Variants in MYO1D observed in about 807,000 individuals in gnomAD.
The protein encoded by MYO1D is myosin ID.
Under a neutral mutation model 122.0 loss-of-function variants are expected in MYO1D, and 83 were observed. The ratio of observed to expected loss-of-function variants is 0.68; its 90% confidence interval spans 0.57 to 0.82. The LOEUF is 0.82. MYO1D is among the 40% of genes least tolerant of loss of function. The probability of loss-of-function intolerance (pLI) is 0.00; values close to 1 mark genes in which losing one functional copy is unlikely to be tolerated. For synonymous variants in MYO1D, 464 were observed against 446.9 expected, an observed-to-expected ratio of 1.04 and a Z score of -0.48; for missense variants, 1,157 against 1,269.5, an observed-to-expected ratio of 0.91 and a Z score of 1.35.
intron 21 of MYO1D, among the ~76,000 whole-genome samples, chr17:32,575,023 T>C (rs768698092): frequency 1.8e-4 from 28 of 152,198 alleles, no homozygotes; most frequent in Non-Finnish European, 3.4e-4. Flanking sequence ...GTTACTGACA[T>C]AATCGTGGGA....
chr17:32,630,245 G>T, intron 20 of MYO1D, among the ~76,000 whole-genome samples: 1 of 152,104 alleles, frequency 6.6e-6, no homozygotes, highest in African/African-American at 2.4e-5. Flanking sequence ...TCTTTCTTTT[G>T]TAGAGACAGT....
At position 32,494,880 on chromosome 17, in the gene MYO1D, G is replaced by A; in HGVS notation, c.2900C>T (p.Pro967Leu). The change falls in exon 22 of 22, where the codon CCA becomes CTA. Residue 967 changes from proline to leucine, a missense_variant. Coordinates refer to ENST00000318217, the MANE Select transcript of MYO1D (RefSeq NM_015194.3). ...KRHLQVNVTN[P>L]VQCSLHGKKC... The stretch of plus-strand genomic sequence containing the variant: ...CTTCCCGTGCAGGCTGCACTGTACT[G>A]GGTTGGTGACGTTCACTTGAAGGTG... 6.2e-7 allele frequency: 1 copy of A among 1,609,516 alleles called. No homozygotes were observed. Among genetic ancestry groups the A allele is most frequent in the Non-Finnish European group, 8.5e-7 (1 of 1,177,098 alleles).
intron 2 of MYO1D, among the ~76,000 whole-genome samples, chr17:32,779,074 T>C (rs1188695464): frequency 1.3e-5 from 2 of 152,226 alleles, no homozygotes; most frequent in East Asian, 3.9e-4. Context: ...AGACACAAGG[T>C]ATCATAGAAA....
At chr17:32,843,312 T>C (rs1251962052) in intron 1 of MYO1D, among the ~76,000 whole-genome samples, 2 of 152,202 alleles carry the variant, frequency 1.3e-5, no homozygotes, top group Non-Finnish European at 2.9e-5. Flanking sequence ...CAGCCAAACA[T>C]GCAGACAACC....
intron 21 of MYO1D, chr17:32,594,593 C>T (rs1435840071): frequency 6.1e-6 from 4 of 652,324 alleles, no homozygotes; most frequent in Admixed American, 2.3e-5. Flanking sequence ...ATATTATTGG[C>T]CTTTTCAGAA....
chr17:32,525,107 T>C (rs1413685096), intron 21 of MYO1D, among the ~76,000 whole-genome samples: 8 of 152,238 alleles, frequency 5.3e-5, no homozygotes, highest in Admixed American at 4.6e-4. Context: ...CATACTTTTC[T>C]TACCATCTGT....
At chr17:32,656,206 T>C (rs1428006154) in intron 17 of MYO1D, among the ~76,000 whole-genome samples, 1 of 152,242 alleles carries the variant, frequency 6.6e-6, no homozygotes, top group Non-Finnish European at 1.5e-5. Flanking sequence ...CAAGGCCGGC[T>C]GTTCTCAAAC....
At position 32,539,836 on chromosome 17, in the gene MYO1D, T is replaced by C. The variant is rs112103415; in HGVS notation, c.2865-44921A>G. 8.9e-4 allele frequency among the ~76,000 whole-genome samples: 136 copies of C among 152,290 alleles called. 1 individual carries two copies. The highest frequency in any genetic ancestry group is 3.2e-3 in the African/African-American group (134 of 41,560). Reference sequence around the variant, plus strand: ...TCATCATTAGCCTGCCACACATGTATAAGCATTAGTTTGATTTTTAAAAAT... The same window carrying C: ...TCATCATTAGCCTGCCACACATGTACAAGCATTAGTTTGATTTTTAAAAAT... On this transcript the variant is annotated intron_variant, in intron 21 of 21. Coordinates refer to ENST00000318217, the MANE Select transcript of MYO1D (RefSeq NM_015194.3).
intron 14 of MYO1D, among the ~76,000 whole-genome samples, chr17:32,722,649 T>C (rs896882414): frequency 6.6e-6 from 1 of 152,232 alleles, no homozygotes; most frequent in African/African-American, 2.4e-5. Context: ...CTTATCTCCA[T>C]CTGCAACCTT....
intron 2 of MYO1D, among the ~76,000 whole-genome samples, chr17:32,780,164 G>C (rs2090220637): frequency 6.6e-6 from 1 of 151,974 alleles, no homozygotes; most frequent in Admixed American, 6.6e-5. Flanking sequence ...GCCTCAGTAG[G>C]TCCCTCAACA....
At position 32,570,651 on chromosome 17, in the gene MYO1D, C is replaced by T. The variant is rs1359591226; in HGVS notation, c.2864+34436G>A. ...ACAGGCGTGAGCCACTGCGCCTGGC[C>T]GGTTATTACACTTTTTAAGGCTCTT... On this transcript the variant is annotated intron_variant, in intron 21 of 21. Transcript: ENST00000318217. Among the ~76,000 whole-genome samples the T allele has an allele frequency of 4.6e-5, 7 of 152,136 alleles. No individual in the cohort carries two copies. The East Asian group carries it at 5.8e-4, about 13-fold the overall frequency.
rs146061870 is a variant in MYO1D, at chr17:32,555,103, A to G, written c.2864+49984T>C. Among the ~76,000 whole-genome samples, 107 of 152,288 alleles carry G rather than the reference A, an allele frequency of 7.0e-4. 1 individual carries two copies. The East Asian group carries it at 0.018, about 26-fold the overall frequency. On this transcript the variant is annotated intron_variant, in intron 21 of 21. Coordinates refer to ENST00000318217, the MANE Select transcript of MYO1D (RefSeq NM_015194.3). Reference sequence around the variant, plus strand: ...TCATTTTAAGGATAATTATCACAGCACTGTTTGTAAGGCTGAAAATTAGAA... The same window carrying G: ...TCATTTTAAGGATAATTATCACAGCGCTGTTTGTAAGGCTGAAAATTAGAA...
intron 21 of MYO1D, among the ~76,000 whole-genome samples, chr17:32,533,603 G>A (rs143401632): frequency 3.4e-4 from 52 of 152,014 alleles, no homozygotes; most frequent in East Asian, 1.5e-3. Flanking sequence ...ATTCTCTCAC[G>A]AAAAAGACCA....
intron 21 of MYO1D, among the ~76,000 whole-genome samples, chr17:32,604,859 C>A (rs575548930): frequency 1.3e-4 from 20 of 152,342 alleles, no homozygotes; most frequent in African/African-American, 4.8e-4. Context: ...TTAGGGAAAT[C>A]TCTCATTGTT....
chr17:32,625,144 G>T lies in MYO1D; in HGVS notation c.2709+13578C>A, dbSNP rs536457758. Among the ~76,000 whole-genome samples, 3 of 152,132 alleles carry T rather than the reference G, an allele frequency of 2.0e-5. No individual in the cohort carries two copies. In the East Asian group the frequency reaches 5.8e-4, roughly 29 times the overall value. On this transcript the variant is annotated intron_variant, in intron 20 of 21. Coordinates refer to ENST00000318217, the MANE Select transcript of MYO1D (RefSeq NM_015194.3). ...TCGGAGCTCCTGATATGCAGACCAG[G>T]GCCAATACAAACACTCTCATCTTGA...
chr17:32,626,253 C>A (rs1426353110), intron 20 of MYO1D, among the ~76,000 whole-genome samples: 3 of 152,222 alleles, frequency 2.0e-5, no homozygotes, highest in Non-Finnish European at 4.4e-5. Flanking sequence ...CTGATAAAGA[C>A]AGCTGTCTAA....
intron 21 of MYO1D, among the ~76,000 whole-genome samples, chr17:32,503,072 T>C (rs565957533): frequency 4.4e-4 from 67 of 152,354 alleles, no homozygotes; most frequent in African/African-American, 1.5e-3. Context: ...ATTTTTCATT[T>C]AGACTCTTGT....
intron 16 of MYO1D, among the ~76,000 whole-genome samples, chr17:32,689,730 T>G (rs1369944705): frequency 1.3e-5 from 2 of 152,194 alleles, no homozygotes; most frequent in East Asian, 3.8e-4. Context: ...CCTGTCTTTT[T>G]TTTTTTGAGA....
At chr17:32,703,151 A>G (rs1048878542) in intron 16 of MYO1D, among the ~76,000 whole-genome samples, 1 of 152,212 alleles carries the variant, frequency 6.6e-6, no homozygotes, top group African/African-American at 2.4e-5. Flanking sequence ...CTAGAGCTAC[A>G]ATCAAAGCTA....
Sources: gnomAD v4.1 joint callset for allele counts (sites outside exome capture counted in the v4.1 genomes callset) on GRCh38, gnomAD v4.1.1 for gene constraint, MANE v1.5 for transcripts, NCBI Gene and HGNC (gene_info 2026-07-23, HGNC 2026-07-21) for gene names.